The following ADISSP variants were observed in gnomAD, a reference collection of about 807,000 sequenced individuals.
The protein encoded by ADISSP is adipose-secreted signaling protein.
chr20:3,754,473 G>C, the ADISSP span: 2 of 1,613,926 alleles, frequency 1.2e-6, no homozygotes, highest in Non-Finnish European at 1.7e-6. Flanking sequence ...TCTCCTCTTT[G>C]AGGACGCCCT....
the ADISSP span, chr20:3,754,614 A>G: frequency 7.7e-7 from 1 of 1,302,286 alleles, no homozygotes; most frequent in Admixed American, 1.8e-5. Context: ...CCATGGGGGG[A>G]CTGCATGCTA....
chr20:3,758,707 GC>G, the ADISSP span: 1 of 1,607,980 alleles, frequency 6.2e-7, no homozygotes, highest in East Asian at 2.2e-5. The surrounding 1 kb of genome is among the most constrained non-coding windows in gnomAD (Gnocchi z 5.5). Flanking sequence ...GGCTCTGAGG[GC>G]TTTCCCTGTC....
At chr20:3,765,426 T>G in the ADISSP span, among the ~76,000 whole-genome samples, 1 of 152,196 alleles carries the variant, frequency 6.6e-6, no homozygotes, top group East Asian at 1.9e-4. Context: ...ATGGGTGAGT[T>G]CTTTCACTTC....
At chr20:3,765,870 G>A in the ADISSP span, among the ~76,000 whole-genome samples, 9 of 152,070 alleles carry the variant, frequency 5.9e-5, no homozygotes, top group South Asian at 2.1e-4. Context: ...GACTAGGGAG[G>A]AACATGGTGC....
At chr20:3,760,141 A>G in the ADISSP span, 1 of 1,521,374 alleles carries the variant, frequency 6.6e-7, no homozygotes, top group Non-Finnish European at 9.1e-7. Context: ...AGACACCGCC[A>G]CTCACGCTCA....
chr20:3,766,665 G>T, the ADISSP span, among the ~76,000 whole-genome samples: 1 of 152,214 alleles, frequency 6.6e-6, no homozygotes, highest in Non-Finnish European at 1.5e-5. Flanking sequence ...CAGGGGGTCA[G>T]CCAAGGTGAG....
the ADISSP span, chr20:3,760,249 CA>C: frequency 1.6e-6 from 1 of 632,872 alleles, no homozygotes; most frequent in Non-Finnish European, 2.8e-6. Flanking sequence ...GGCTCAGGGA[CA>C]CCAGAGGAGC....
the ADISSP span, chr20:3,755,536 C>T: frequency 1.9e-6 from 3 of 1,613,516 alleles, no homozygotes; most frequent in Non-Finnish European, 1.7e-6. Context: ...CGCGGACATC[C>T]TTGCTCAGCC....
chr20:3,753,802 C>T, the ADISSP span: 1 of 554,910 alleles, frequency 1.8e-6, no homozygotes, highest in Non-Finnish European at 3.2e-6. Flanking sequence ...CTTCCTCAGA[C>T]AGCCTCCTTT....
chr20:3,760,595 G>A, the ADISSP span, among the ~76,000 whole-genome samples: 1 of 152,248 alleles, frequency 6.6e-6, no homozygotes, highest in Admixed American at 6.5e-5. Context: ...CCTTATTCAG[G>A]TCACACAAGC....
chr20:3,754,006 G>T, the ADISSP span: 7 of 1,371,354 alleles, frequency 5.1e-6, no homozygotes, highest in Admixed American at 6.9e-5. Context: ...ATGTCGGGGG[G>T]ACAAGGCGGG....
At chr20:3,756,448 G>T in the ADISSP span, among the ~76,000 whole-genome samples, 1 of 23,778 alleles carries the variant, frequency 4.2e-5, no homozygotes, top group African/African-American at 1.3e-4. Flanking sequence ...GGGGTGCCAC[G>T]CCAGCAGGCA....
chr20:3,757,333 C>T, the ADISSP span, among the ~76,000 whole-genome samples: 1 of 151,620 alleles, frequency 6.6e-6, no homozygotes, highest in African/African-American at 2.4e-5. Context: ...CTGGAGACAG[C>T]AAGACTCCGT....
chr20:3,760,862 C>T, the ADISSP span, among the ~76,000 whole-genome samples: 1 of 152,184 alleles, frequency 6.6e-6, no homozygotes, highest in Non-Finnish European at 1.5e-5. Context: ...CCCAGGAAGC[C>T]TCCAATGGGC....
chr20:3,753,696 C>T, the ADISSP span: 2 of 321,950 alleles, frequency 6.2e-6, no homozygotes, highest in East Asian at 7.5e-5. Flanking sequence ...GGGGCCACGA[C>T]GCCACAGAGC....
At chr20:3,758,716 G>A in the ADISSP span, 1 of 1,607,874 alleles carries the variant, frequency 6.2e-7, no homozygotes, top group Non-Finnish European at 8.5e-7. The surrounding 1 kb of genome is among the most constrained non-coding windows in gnomAD (Gnocchi z 5.5). Flanking sequence ...GGCTTTCCCT[G>A]TCCCCAGGAA....
At chr20:3,755,303 C>A in the ADISSP span, 2 of 633,162 alleles carry the variant, frequency 3.2e-6, 1 homozygote, top group South Asian at 3.7e-5. Flanking sequence ...GGACAGGGAG[C>A]AAGGCCTGGA....
chr20:3,761,445 C>T, the ADISSP span, among the ~76,000 whole-genome samples: 1 of 151,960 alleles, frequency 6.6e-6, no homozygotes, highest in Non-Finnish European at 1.5e-5. Flanking sequence ...GAGCGACTCT[C>T]CCACCTCAGC....
chr20:3,754,389 G>A, the ADISSP span: 20 of 1,610,198 alleles, frequency 1.2e-5, no homozygotes, highest in African/African-American at 1.2e-4. Context: ...GGAGCCTCAC[G>A]CTCTCACCCA....
Sources: gnomAD v4.1 joint callset for allele counts (sites outside exome capture counted in the v4.1 genomes callset) on GRCh38, gnomAD v4.1.1 for gene constraint, Gnocchi (gnomAD v3.1) non-coding constraint, MANE v1.5 for transcripts, NCBI Gene and HGNC (gene_info 2026-07-23, HGNC 2026-07-21) for gene names.